The following ERI1 variants were observed in gnomAD, a reference collection of about 807,000 sequenced individuals.
ERI1 encodes exoribonuclease 1.
In ERI1, 39 loss-of-function variants were observed where a neutral mutation model predicts 39.7. That is an observed-to-expected ratio of 0.98 (90% CI 0.76 to 1.28). The LOEUF (loss-of-function observed/expected upper bound fraction) is 1.28, where lower values mean the gene tolerates loss of function less well. ERI1 is among the 50% of genes most tolerant of loss of function. ERI1 has a pLI of 0.00. For synonymous variants in ERI1, 204 were observed against 149.6 expected (o/e 1.36, Z -2.65); for missense variants, 581 against 416.9 (o/e 1.39, Z -3.43).
intron 1 of ERI1, among the ~76,000 whole-genome samples, chr8:9,005,393 A>T (rs1329237098): frequency 6.6e-6 from 1 of 151,842 alleles, no homozygotes; most frequent in Non-Finnish European, 1.5e-5. Flanking sequence ...CTTTAAAAAA[A>T]TGCTAAAAAT....
At chr8:9,066,989 G>T (rs1194505264) in intron 3 of ERI1, among the ~76,000 whole-genome samples, 1 of 152,186 alleles carries the variant, frequency 6.6e-6, no homozygotes. Flanking sequence ...ACTGGGAGAA[G>T]ATTTGACGGC....
intron 3 of ERI1, among the ~76,000 whole-genome samples, chr8:9,044,645 G>A (rs549956505): frequency 2.0e-5 from 3 of 152,250 alleles, no homozygotes; most frequent in South Asian, 4.1e-4. Flanking sequence ...CACAAGCTAA[G>A]CCTTGAAGAA....
intron 6 of ERI1, among the ~76,000 whole-genome samples, chr8:9,024,624 A>G (rs559246296): frequency 2.6e-5 from 4 of 152,044 alleles, no homozygotes; most frequent in South Asian, 2.1e-4. Context: ...GGCTTTCACT[A>G]TGTTGGCCAG....
At chr8:9,008,265 T>A in intron 2 of ERI1, 117 bp downstream of exon 2, 5 of 911,836 alleles carry the variant, frequency 5.5e-6, no homozygotes, top group Non-Finnish European at 7.8e-6. Flanking sequence ...ATGATCCTAT[T>A]AACAGTTCAC....
intron 3 of ERI1, among the ~76,000 whole-genome samples, chr8:9,092,215 T>C (rs11776180): frequency 0.19 from 28,901 of 152,088 alleles, 3,098 homozygotes; most frequent in African/African-American, 0.27. Flanking sequence ...GCTTGGCTTC[T>C]CAAAGCGCTG....
At chr8:9,049,292 C>T (rs990130593) in intron 3 of ERI1, among the ~76,000 whole-genome samples, 4 of 126,914 alleles carry the variant, frequency 3.2e-5, no homozygotes, top group South Asian at 2.6e-4. Flanking sequence ...GCCGAGAGCA[C>T]GCCACTGTAC....
At chr8:9,063,323 A>G (rs1446404167) in intron 3 of ERI1, among the ~76,000 whole-genome samples, 1 of 152,208 alleles carries the variant, frequency 6.6e-6, no homozygotes, top group East Asian at 1.9e-4. Flanking sequence ...GAGAGGTCAG[A>G]TAAAGAAAAA....
chr8:9,063,229 C>G (rs1353517970), intron 3 of ERI1, among the ~76,000 whole-genome samples: 2 of 152,116 alleles, frequency 1.3e-5, no homozygotes, highest in East Asian at 1.9e-4. Flanking sequence ...TGTAAAGCGT[C>G]TCAGAGTTGC....
intron 6 of ERI1, among the ~76,000 whole-genome samples, chr8:9,026,374 T>A (rs1010488162): frequency 6.6e-5 from 10 of 152,162 alleles, no homozygotes; most frequent in African/African-American, 2.4e-4. Context: ...AAAGTGAAAC[T>A]CTGTGCCTGT....
intron 3 of ERI1, chr8:9,062,907 C>T (rs567405726): frequency 1.1e-4 from 16 of 152,196 alleles, no homozygotes; most frequent in Admixed American, 9.8e-4. Flanking sequence ...TAGCAAGCTC[C>T]TGGGGGAGGA....
chr8:9,040,729 TGGG>T (rs5889257), intron 3 of ERI1, among the ~76,000 whole-genome samples: 42 of 148,640 alleles, frequency 2.8e-4, no homozygotes, highest in African/African-American at 1.0e-3. Context: ...AGTGTGTGTG[TGGG>T]GGGGGGGTGT....
intron 3 of ERI1, among the ~76,000 whole-genome samples, chr8:9,052,945 C>A (rs1798405115): frequency 2.0e-5 from 3 of 152,200 alleles, no homozygotes; most frequent in Non-Finnish European, 2.9e-5. Flanking sequence ...CACCCCTCAA[C>A]CTCTGGAGAG....
At chr8:9,044,495 G>A (rs1454622474) in intron 3 of ERI1, among the ~76,000 whole-genome samples, 1 of 152,092 alleles carries the variant, frequency 6.6e-6, no homozygotes, top group Non-Finnish European at 1.5e-5. Flanking sequence ...TTAGCAAATT[G>A]CCAACTACCC....
intron 4 of ERI1, 73 bp downstream of exon 4, chr8:9,016,478 T>C (rs1161326676): frequency 1.2e-6 from 1 of 858,012 alleles, no homozygotes; most frequent in East Asian, 2.9e-5. Flanking sequence ...TATACATAAT[T>C]TAAAAAAATT....
intron 6 of ERI1, among the ~76,000 whole-genome samples, chr8:9,020,900 T>C (rs74692219): frequency 0.052 from 7,853 of 152,322 alleles, 285 homozygotes; most frequent in Non-Finnish European, 0.077. Flanking sequence ...TTTCAACTTA[T>C]GTAAAGCTCT....
chr8:9,037,621 G>A (rs1480561957), downstream of ERI1, among the ~76,000 whole-genome samples: 1 of 151,952 alleles, frequency 6.6e-6, no homozygotes, highest in Non-Finnish European at 1.5e-5. Flanking sequence ...ATGGTAAAAT[G>A]TATCTTGTAA....
At chr8:9,045,822 A>G (rs1034836652) in intron 3 of ERI1, among the ~76,000 whole-genome samples, 2 of 151,684 alleles carry the variant, frequency 1.3e-5, no homozygotes. Context: ...GATTACAGGC[A>G]TGCATCACCA....
At chr8:9,085,544 C>G (rs144123202) in intron 3 of ERI1, among the ~76,000 whole-genome samples, 7 of 151,682 alleles carry the variant, frequency 4.6e-5, no homozygotes, top group African/African-American at 1.7e-4. Context: ...TTTACTGGAA[C>G]ACAGCCACAC....
At chr8:9,035,438 T>G (rs2117330322), downstream of ERI1, among the ~76,000 whole-genome samples, 1 of 152,284 alleles carries the variant, frequency 6.6e-6, no homozygotes, top group South Asian at 2.1e-4. Flanking sequence ...CCTAGGGCCC[T>G]TATGCTAAAT....
Sources: allele counts gnomAD v4.1 joint callset (sites outside exome capture counted in the v4.1 genomes callset), GRCh38; gene constraint gnomAD v4.1.1; transcripts MANE v1.5; gene names NCBI Gene and HGNC (gene_info 2026-07-23, HGNC 2026-07-21).